The following SNTG1 variants were observed in gnomAD, a reference collection of about 807,000 sequenced individuals.
SNTG1 encodes the protein gamma-1-syntrophin.
A neutral mutation model predicts 74.7 loss-of-function variants in SNTG1; 39 were observed. That is an observed-to-expected ratio of 0.52 (90% CI 0.40 to 0.68). The LOEUF is 0.68. Among genes scored for constraint, SNTG1 ranks in the 30% least tolerant of loss-of-function variants. The pLI is 0.00. For missense variants in SNTG1, 685 were observed against 609.5 expected (o/e 1.12, Z -1.30); for synonymous variants, 254 against 217.1 (o/e 1.17, Z -1.49).
intron 2 of SNTG1, among the ~76,000 whole-genome samples, chr8:50,293,063 G>C (rs1227883856): frequency 2.0e-5 from 3 of 152,132 alleles, no homozygotes; most frequent in Admixed American, 2.0e-4. Context: ...TTCATACAAA[G>C]TGTTTCCTTG....
Position 50,206,842 on chromosome 8 carries a change from G to A in SNTG1, c.-28+34207G>A, listed in dbSNP as rs548113522. ...AGACAATCATGTGGTTTTTGTCTTT[G>A]GTTCTGTTTATATGATGGATTACGT... is the stretch of plus-strand genomic sequence containing the variant. On this transcript the variant is annotated intron_variant, in intron 2 of 18. Coordinates refer to ENST00000642720, the MANE Select transcript of SNTG1 (RefSeq NM_018967.5). 2.0e-5 allele frequency among the ~76,000 whole-genome samples: 3 copies of A among 152,158 alleles called. No individual in the cohort carries two copies. In the South Asian group the frequency reaches 6.2e-4, roughly 32 times the overall value.
chr8:50,329,352 G>C (rs950958815), intron 2 of SNTG1, among the ~76,000 whole-genome samples: 1 of 152,136 alleles, frequency 6.6e-6, no homozygotes. Context: ...TATTGCCCTA[G>C]TAGAGGCTTT....
At chr8:50,145,972 TA>T (rs57094954) in intron 1 of SNTG1, among the ~76,000 whole-genome samples, 59,462 of 144,200 alleles carry the variant, frequency 0.41, 13,712 homozygotes, top group African/African-American at 0.66. Context: ...ATAATAATAA[TA>T]AAAAAAAAAA....
chr8:50,309,257 T>A (rs879466703), intron 2 of SNTG1, among the ~76,000 whole-genome samples: 8 of 152,038 alleles, frequency 5.3e-5, no homozygotes, highest in Non-Finnish European at 1.2e-4. Flanking sequence ...AAAGCAAAAA[T>A]GACAGGATTT....
chr8:50,736,081 T>G (rs907847895), intron 17 of SNTG1, among the ~76,000 whole-genome samples: 4 of 152,054 alleles, frequency 2.6e-5, no homozygotes, highest in Admixed American at 2.6e-4. Flanking sequence ...TGAGAGATTT[T>G]GTCACCACCA....
chr8:50,216,004 G>A (rs1168596600), intron 2 of SNTG1, among the ~76,000 whole-genome samples: 4 of 152,068 alleles, frequency 2.6e-5, no homozygotes, highest in East Asian at 1.9e-4. Context: ...TTTACAGAAA[G>A]CCAGAGAGTG....
chr8:50,515,404 T>G (rs1433813277), intron 9 of SNTG1, among the ~76,000 whole-genome samples: 4 of 106,854 alleles, frequency 3.7e-5, no homozygotes, highest in African/African-American at 1.7e-4. Context: ...TTTTTTTTTT[T>G]TTTTTTTTTT....
At chr8:49,926,909 A>G (rs1807078610) in intron 1 of SNTG1, among the ~76,000 whole-genome samples, 1 of 152,182 alleles carries the variant, frequency 6.6e-6, no homozygotes, top group African/African-American at 2.4e-5. Flanking sequence ...AAATAAACCA[A>G]CCAATTAAAA....
intron 11 of SNTG1, among the ~76,000 whole-genome samples, chr8:50,545,680 C>A (rs376392080): frequency 1.3e-5 from 2 of 151,714 alleles, no homozygotes; most frequent in Non-Finnish European, 2.9e-5. Flanking sequence ...CTATGAAAAT[C>A]GATAATATTG....
chr8:50,506,708 G>A (rs1406602072), intron 9 of SNTG1, among the ~76,000 whole-genome samples: 1 of 151,968 alleles, frequency 6.6e-6, no homozygotes, highest in African/African-American at 2.4e-5. Context: ...ATTTTTGTGT[G>A]TGTGTTTAAA....
chr8:50,568,227 T>TTGTGTGTGTG (rs1554576692), intron 12 of SNTG1, among the ~76,000 whole-genome samples: 3 of 146,282 alleles, frequency 2.1e-5, no homozygotes, highest in African/African-American at 2.5e-5. Flanking sequence ...TTGTCCATGT[T>TTGTGTGTGTG]TGTGTGTGTG....
chr8:50,217,481 C>T (rs957836376), intron 2 of SNTG1, among the ~76,000 whole-genome samples: 33 of 152,034 alleles, frequency 2.2e-4, no homozygotes, highest in Non-Finnish European at 4.4e-4. Flanking sequence ...ATAATATGTG[C>T]TGTCATGTAA....
intron 12 of SNTG1, among the ~76,000 whole-genome samples, chr8:50,575,458 G>A (rs2094571566): frequency 1.3e-5 from 2 of 152,272 alleles, no homozygotes; most frequent in South Asian, 4.1e-4. Flanking sequence ...GGCATCTTGA[G>A]TGACTGCATA....
At chr8:50,544,230 C>T (rs896675133) in intron 11 of SNTG1, among the ~76,000 whole-genome samples, 1 of 151,910 alleles carries the variant, frequency 6.6e-6, no homozygotes, top group African/African-American at 2.4e-5. Flanking sequence ...ACATGTATAA[C>T]TATTACAGTT....
intron 2 of SNTG1, among the ~76,000 whole-genome samples, chr8:50,357,692 A>G (rs1037905149): frequency 6.6e-6 from 1 of 152,196 alleles, no homozygotes; most frequent in Non-Finnish European, 1.5e-5. Flanking sequence ...GTTTTCCAGA[A>G]TGACTTTCTC....
intron 8 of SNTG1, among the ~76,000 whole-genome samples, chr8:50,471,879 A>G (rs1166634574): frequency 1.3e-5 from 2 of 152,210 alleles, no homozygotes; most frequent in Admixed American, 6.5e-5. Flanking sequence ...TTGAAAATTG[A>G]CACATAAAAA....
intron 4 of SNTG1, among the ~76,000 whole-genome samples, chr8:50,406,588 A>G (rs1222471813): frequency 6.6e-6 from 1 of 152,134 alleles, no homozygotes; most frequent in African/African-American, 2.4e-5. Flanking sequence ...AAAAGTGGTA[A>G]AAGCAGGCAT....
chr8:49,967,674 A>G (rs1344326), intron 1 of SNTG1, among the ~76,000 whole-genome samples: 35,444 of 152,164 alleles, frequency 0.23, 9,083 homozygotes, highest in African/African-American at 0.64. Flanking sequence ...TCTGAGTTCA[A>G]CCCTTTCTCT....
chr8:50,107,730 T>C (rs1667211543), intron 1 of SNTG1, among the ~76,000 whole-genome samples: 1 of 152,062 alleles, frequency 6.6e-6, no homozygotes, highest in South Asian at 2.1e-4. Flanking sequence ...TTCATATTTT[T>C]AGTAGAGACG....
Sources: allele counts gnomAD v4.1 joint callset (sites outside exome capture counted in the v4.1 genomes callset), GRCh38; gene constraint gnomAD v4.1.1; transcripts MANE v1.5; gene names NCBI Gene and HGNC (gene_info 2026-07-23, HGNC 2026-07-21).